The following ANKLE2 variants were observed in gnomAD, a reference collection of about 807,000 sequenced individuals.
ANKLE2 encodes ankyrin repeat and LEM domain-containing protein 2.
In ANKLE2, 55 loss-of-function variants were observed where a neutral mutation model predicts 84.2. The observed-to-expected ratio is 0.65, with a 90% CI of 0.53 to 0.82. The LOEUF (loss-of-function observed/expected upper bound fraction) is 0.82, where lower values mean the gene tolerates loss of function less well. Among genes scored for constraint, ANKLE2 ranks in the 40% least tolerant of loss-of-function variants. The probability of loss-of-function intolerance (pLI) is 0.00; values close to 1 mark genes in which losing one functional copy is unlikely to be tolerated. For missense variants in ANKLE2, 1,238 were observed against 1,201.9 expected, an observed-to-expected ratio of 1.03 and a Z score of -0.44; for synonymous variants, 551 against 486.1, an observed-to-expected ratio of 1.13 and a Z score of -1.76.
chr12:132,744,397 A>T (rs138467275), intron 5 of ANKLE2, among the ~76,000 whole-genome samples: 36 of 152,246 alleles, frequency 2.4e-4, no homozygotes, highest in Non-Finnish European at 4.3e-4. Context: ...ATCGTATGCC[A>T]TGGCAGCCAT....
Position 132,730,245 on chromosome 12 carries a change from C to T in ANKLE2, c.1917G>A (p.Ala639=), listed in dbSNP as rs189739387. 3.1e-5 allele frequency: 48 copies of T among 1,570,356 alleles called. No individual in the cohort carries two copies. Among genetic ancestry groups the T allele is most frequent in the Non-Finnish European group, 3.7e-5 (43 of 1,156,778 alleles). Residue 639 remains alanine (A), a synonymous_variant, in exon 11 of 13, where the codon GCG becomes GCA. Coordinates refer to ENST00000357997, the MANE Select transcript of ANKLE2 (RefSeq NM_015114.3). ...TSGSNSISVR[A]FLDEDDMSLE... ...AGCTCATGTCATCTTCATCTAGAAA[C>T]GCCCTCACGGAAATGGAATTGCTGC... is the stretch of plus-strand genomic sequence containing the variant.
At chr12:132,741,868 T>C (rs1477279798) in intron 6 of ANKLE2, 3 of 463,836 alleles carry the variant, frequency 6.5e-6, no homozygotes, top group African/African-American at 4.0e-5. Flanking sequence ...CTTTTTGTTG[T>C]GAGGCTGGGT....
intron 3 of ANKLE2, among the ~76,000 whole-genome samples, chr12:132,749,724 G>A (rs555768907): frequency 5.7e-4 from 87 of 152,236 alleles, no homozygotes; most frequent in Non-Finnish European, 1.1e-3. Context: ...CACACTGACC[G>A]TGAAGAGCCT....
At position 132,743,629 on chromosome 12, in the gene ANKLE2, G is replaced by T. The variant is rs1249607109; in HGVS notation, c.1231-353C>A. 1.3e-5 allele frequency among the ~76,000 whole-genome samples: 2 copies of T among 150,462 alleles called. No individual in the cohort carries two copies. Among genetic ancestry groups the T allele is most frequent in the Admixed American group, 6.6e-5 (1 of 15,092 alleles). On this transcript the variant is annotated intron_variant, in intron 5 of 12. Transcript: ENST00000357997. This position sits in a 1 kb window ranked among gnomAD's most constrained non-coding sequence, Gnocchi z 4.1. Reference sequence around the variant, plus strand: ...CTCCCAAAGTGCTGGGATTACAGGTGTGAGTCACCGAGCCTGGCTTATACT... The same window carrying T: ...CTCCCAAAGTGCTGGGATTACAGGTTTGAGTCACCGAGCCTGGCTTATACT...
At position 132,747,969 on chromosome 12, in the gene ANKLE2, A is replaced by T; in HGVS notation, c.1093T>A (p.Ser365Thr). Residue 365 changes from serine (S) to threonine (T), a missense_variant, in exon 5 of 13, where the codon TCC becomes ACC. Around this residue, in one of 3 missense-constraint regions of ANKLE2, gnomAD observed 802 missense variants for 774.5 expected, o/e 1.04. Transcript: ENST00000357997. ...MHVAAKENQA[S>T]ICQLTLDVLE... is the part of the protein sequence containing the mutation. Reference sequence around the variant, plus strand: ...ACGTCCAGAGTCAGCTGGCAGATGGAAGCCTGGTTCTCTTTGGCAGCAACA... The same window carrying T: ...ACGTCCAGAGTCAGCTGGCAGATGGTAGCCTGGTTCTCTTTGGCAGCAACA... The T allele has an allele frequency of 6.3e-7, 1 of 1,598,224 alleles. No homozygotes were observed. Among genetic ancestry groups the T allele is most frequent in the Non-Finnish European group, 8.5e-7 (1 of 1,176,094 alleles).
At chr12:132,755,296 C>T (rs961994731) in intron 1 of ANKLE2, 163 bp from the exon 2 acceptor site, 4 of 641,846 alleles carry the variant, frequency 6.2e-6, no homozygotes, top group Non-Finnish European at 7.7e-6. Context: ...GTAATCCCAG[C>T]ATTTTGGGAG....
In ANKLE2 at chr12:132,727,805, C is replaced by T. The variant is rs184174104; in HGVS notation, c.2615+227G>A. On this transcript the variant is annotated intron_variant, in intron 12 of 12. Transcript: ENST00000357997. ...ATCTGAGTAGAAACCCTGCTGCTTC[C>T]ACCCTTCTAGCCCTCAGCTTGTCAG... Among the ~76,000 whole-genome samples the T allele has an allele frequency of 1.9e-3, 282 of 152,170 alleles. 2 individuals carry two copies. The highest frequency in any genetic ancestry group is 3.1e-3 in the Non-Finnish European group (212 of 67,994).
rs751269982 is a variant in ANKLE2 at position 132,734,436 on chromosome 12, G to A, written c.1840C>T (p.Gln614Ter). The A allele has an allele frequency of 8.1e-6, 13 of 1,614,060 alleles. No homozygotes were observed. Among genetic ancestry groups the A allele is most frequent in the Admixed American group, 1.7e-5 (1 of 59,996 alleles). Residue 614 changes from glutamine to a stop codon, truncating the protein, a stop_gained, in exon 10 of 13, where the codon CAA becomes TAA. Coordinates refer to ENST00000357997, the MANE Select transcript of ANKLE2 (RefSeq NM_015114.3). LOFTEE classifies it high-confidence loss of function. ...GAGGCTTCCCGTTCTCCTGTTTCTT[G>A]TTGAGCCTTTTTGCCTATTTCCTGC... ...TQQEIGKKAQ[Q>*]ETGEREASCR...
In ANKLE2 at chr12:132,725,584, G is replaced by A. The variant is rs1365703803; in HGVS notation, c.*1658C>T. The A allele has an allele frequency of 3.3e-5, 5 of 152,244 alleles. No individual in the cohort carries two copies. Among genetic ancestry groups the A allele is most frequent in the Admixed American group, 6.5e-5 (1 of 15,280 alleles). The allele number at this position is 152,244 out of a possible 1,614,324, so 9.4% of individuals were successfully genotyped here. ...CACGAGAATGCCTCCGTTGGGACTG[G>A]AATCGCTGCCCACAAACAAACGGAG... On this transcript the variant is annotated 3_prime_UTR_variant, in exon 13 of 13. Coordinates refer to ENST00000357997, the MANE Select transcript of ANKLE2 (RefSeq NM_015114.3).
In ANKLE2 at chr12:132,727,436, T is replaced by C. The variant is rs1250449866; in HGVS notation, c.2623A>G (p.Ser875Gly). 1 of 1,554,522 alleles carries C rather than the reference T, an allele frequency of 6.4e-7. No homozygotes were observed. The highest frequency in any genetic ancestry group is 2.4e-5 in the East Asian group (1 of 41,528). ...TTGAACCTTCCTTTCACCGCGGGAC[T>C]GGGCCAACTGCGGAAAGCAAGAAAG... The part of the protein sequence containing the change: ...YSPSDRQSWP[S>G]PAVKGRFKSQ... Residue 875 changes from serine to glycine, a missense_variant, in exon 13 of 13, where the codon AGT becomes GGT. Ser to Gly is a moderately conservative substitution (Grantham distance 56). Transcript: ENST00000357997.
At chr12:132,751,654 C>A (rs953850572) in intron 2 of ANKLE2, among the ~76,000 whole-genome samples, 2 of 151,862 alleles carry the variant, frequency 1.3e-5, no homozygotes, top group African/African-American at 4.8e-5. Flanking sequence ...GCGATTCTCC[C>A]GTCTCAGCCT....
At chr12:132,744,643 G>A (rs1422125032) in intron 5 of ANKLE2, among the ~76,000 whole-genome samples, 1 of 152,138 alleles carries the variant, frequency 6.6e-6, no homozygotes, top group Admixed American at 6.5e-5. Flanking sequence ...CTGTCCAGGG[G>A]CTGGCAAGCT....
chr12:132,756,358 A>C (rs1222801774), intron 1 of ANKLE2: 1 of 151,910 alleles, frequency 6.6e-6, no homozygotes. Context: ...GGACAAGAGC[A>C]AGACCTTGTT....
At chr12:132,761,100 C>G (rs190311658) in intron 1 of ANKLE2, 1 of 152,808 alleles carries the variant, frequency 6.5e-6, no homozygotes, top group East Asian at 1.9e-4. Flanking sequence ...ATCACCCAGA[C>G]CCGACAGTCT....
intron 10 of ANKLE2, among the ~76,000 whole-genome samples, chr12:132,733,201 C>T (rs201271954): frequency 2.8e-5 from 3 of 107,794 alleles, no homozygotes; most frequent in Middle Eastern, 7.0e-3. Context: ...TGATATGCAC[C>T]GTGTGAAGCT....
intron 8 of ANKLE2, among the ~76,000 whole-genome samples, chr12:132,736,119 T>C (rs1319707693): frequency 6.6e-6 from 1 of 152,080 alleles, no homozygotes; most frequent in Non-Finnish European, 1.5e-5. Flanking sequence ...GCCCGGCTAA[T>C]TTTTTGTATT....
chr12:132,749,906 C>T (rs898632882), intron 3 of ANKLE2, among the ~76,000 whole-genome samples: 4 of 152,172 alleles, frequency 2.6e-5, no homozygotes, highest in Admixed American at 1.3e-4. Context: ...CAGGGGCTCA[C>T]GCCTGTCATC....
chr12:132,730,245 C>G lies in ANKLE2; in HGVS notation c.1917G>C (p.Ala639=). The G allele has an allele frequency of 6.4e-7, 1 of 1,570,474 alleles. No individual in the cohort carries two copies. Reference sequence around the variant, plus strand: ...AGCTCATGTCATCTTCATCTAGAAACGCCCTCACGGAAATGGAATTGCTGC... The same window carrying G: ...AGCTCATGTCATCTTCATCTAGAAAGGCCCTCACGGAAATGGAATTGCTGC... ...TSGSNSISVR[A]FLDEDDMSLE... is the part of the protein sequence containing the mutation. Residue 639 remains alanine (A), a synonymous_variant, in exon 11 of 13, where the codon GCG becomes GCC. Coordinates refer to ENST00000357997, the MANE Select transcript of ANKLE2 (RefSeq NM_015114.3).
Position 132,735,415 on chromosome 12 carries a change from C to T in ANKLE2, c.1691G>A (p.Arg564Lys). 1.9e-6 allele frequency: 3 copies of T among 1,614,134 alleles called. No homozygotes were observed. The highest frequency in any genetic ancestry group is 2.5e-6 in the Non-Finnish European group (3 of 1,179,996). The change falls in exon 9 of 13, where the codon AGA becomes AAA. Residue 564 changes from arginine to lysine, a missense_variant. Coordinates refer to ENST00000357997, the MANE Select transcript of ANKLE2 (RefSeq NM_015114.3). ...CTCAGCCTTTCAGTACCTTCCCACTCTCTCAAAGCCTCTTTCCGGGTCCGA... is the reference window on the plus strand; with the variant it reads ...CTCAGCCTTTCAGTACCTTCCCACTTTCTCAAAGCCTCTTTCCGGGTCCGA... ...KKSDPERGFE[R>K]VGRELAHELG... is the part of the protein sequence containing the mutation.
Sources: gnomAD v4.1 joint callset for allele counts (sites outside exome capture counted in the v4.1 genomes callset) on GRCh38, gnomAD v4.1.1 for gene constraint, gnomAD v4.1.1 regional missense constraint, Gnocchi (gnomAD v3.1) non-coding constraint, MANE v1.5 for transcripts, NCBI Gene and HGNC (gene_info 2026-07-23, HGNC 2026-07-21) for gene names.